The following ARB2A variants were observed in gnomAD, a reference collection of about 807,000 sequenced individuals.
The protein encoded by ARB2A is cotranscriptional regulator ARB2A.
the ARB2A span, among the ~76,000 whole-genome samples, chr5:93,744,877 C>T: frequency 1.3e-5 from 2 of 152,132 alleles, no homozygotes; most frequent in Admixed American, 1.3e-4. Flanking sequence ...TGGGGAATTA[C>T]AGAGTAAGGA....
At chr5:93,831,197 T>C in the ARB2A span, among the ~76,000 whole-genome samples, 1 of 151,800 alleles carries the variant, frequency 6.6e-6, no homozygotes, top group African/African-American at 2.4e-5. Context: ...CTGGTACCCA[T>C]CTGTGACCCG....
the ARB2A span, among the ~76,000 whole-genome samples, chr5:93,839,549 G>A: frequency 6.6e-6 from 1 of 152,092 alleles, no homozygotes; most frequent in Non-Finnish European, 1.5e-5. Context: ...ATGGGTTAGG[G>A]TAAAGTCCTT....
chr5:94,059,745 T>TA, the ARB2A span, among the ~76,000 whole-genome samples: 2,593 of 138,914 alleles, frequency 0.019, 63 homozygotes, highest in African/African-American at 0.063. Context: ...ATTTTTCAAC[T>TA]AAAAAAAAAA....
the ARB2A span, among the ~76,000 whole-genome samples, chr5:93,872,879 T>C: frequency 6.6e-6 from 1 of 151,616 alleles, no homozygotes; most frequent in Non-Finnish European, 1.5e-5. Flanking sequence ...ATCGCGCCAC[T>C]GCACTCCAGC....
At chr5:93,788,275 A>C in the ARB2A span, among the ~76,000 whole-genome samples, 1 of 152,106 alleles carries the variant, frequency 6.6e-6, no homozygotes, top group Non-Finnish European at 1.5e-5. Context: ...AACAGTGACA[A>C]GACGGATGAG....
At chr5:94,107,742 A>G in the ARB2A span, among the ~76,000 whole-genome samples, 1 of 152,286 alleles carries the variant, frequency 6.6e-6, no homozygotes, top group South Asian at 2.1e-4. Context: ...GCTTACTCCT[A>G]TAGAACTGTA....
chr5:93,859,420 A>C, the ARB2A span, among the ~76,000 whole-genome samples: 1 of 151,278 alleles, frequency 6.6e-6, no homozygotes, highest in Non-Finnish European at 1.5e-5. Context: ...AAGGCACATG[A>C]AAAAAAAAGG....
the ARB2A span, among the ~76,000 whole-genome samples, chr5:93,986,219 T>C: frequency 6.6e-6 from 1 of 151,456 alleles, no homozygotes; most frequent in African/African-American, 2.4e-5. Flanking sequence ...GGAGCCCCTC[T>C]GCCCGGCTGC....
chr5:93,937,527 G>A, the ARB2A span, among the ~76,000 whole-genome samples: 4 of 151,762 alleles, frequency 2.6e-5, no homozygotes, highest in Non-Finnish European at 4.4e-5. Context: ...CAGGAGAATC[G>A]CCTGAACCCA....
the ARB2A span, among the ~76,000 whole-genome samples, chr5:94,061,440 T>C: frequency 6.6e-6 from 1 of 152,178 alleles, no homozygotes; most frequent in Non-Finnish European, 1.5e-5. Flanking sequence ...TTCAACATAG[T>C]ACTGAAAGTC....
At chr5:94,039,327 T>G in the ARB2A span, among the ~76,000 whole-genome samples, 2 of 152,156 alleles carry the variant, frequency 1.3e-5, no homozygotes, top group Admixed American at 1.3e-4. Context: ...TAGCACAAGA[T>G]GCAGGTCATA....
At chr5:93,737,186 A>T in the ARB2A span, 1 of 152,074 alleles carries the variant, frequency 6.6e-6, no homozygotes, top group South Asian at 2.1e-4. Context: ...AAACTATTCC[A>T]TTTACAGTAG....
At chr5:93,840,910 T>TTATTTACA in the ARB2A span, among the ~76,000 whole-genome samples, 1 of 152,164 alleles carries the variant, frequency 6.6e-6, no homozygotes, top group Non-Finnish European at 1.5e-5. Context: ...TTATGGCCCA[T>TTATTTACA]TATTTACAGA....
the ARB2A span, among the ~76,000 whole-genome samples, chr5:93,852,119 T>C: frequency 6.6e-6 from 1 of 152,150 alleles, no homozygotes; most frequent in African/African-American, 2.4e-5. Context: ...GCACCTGTTG[T>C]TTCCTGACTT....
chr5:94,110,012 G>C, the ARB2A span, among the ~76,000 whole-genome samples: 1 of 151,432 alleles, frequency 6.6e-6, no homozygotes, highest in African/African-American at 2.4e-5. Flanking sequence ...AGCCTCCAGA[G>C]TAGCTGGGAA....
the ARB2A span, among the ~76,000 whole-genome samples, chr5:94,070,642 G>A: frequency 6.6e-6 from 1 of 151,822 alleles, no homozygotes; most frequent in Non-Finnish European, 1.5e-5. Flanking sequence ...CAAAGAGAAT[G>A]AAAAGACAAT....
At chr5:93,858,786 A>G in the ARB2A span, among the ~76,000 whole-genome samples, 1 of 152,222 alleles carries the variant, frequency 6.6e-6, no homozygotes, top group South Asian at 2.1e-4. Context: ...GAATTCTTCT[A>G]GAAAAAGAAA....
At chr5:93,957,999 G>A in the ARB2A span, among the ~76,000 whole-genome samples, 1 of 151,728 alleles carries the variant, frequency 6.6e-6, no homozygotes, top group African/African-American at 2.4e-5. Flanking sequence ...TCATGTGAAA[G>A]AAATTCACAC....
the ARB2A span, among the ~76,000 whole-genome samples, chr5:94,110,314 G>C: frequency 2.0e-5 from 3 of 152,206 alleles, no homozygotes; most frequent in Admixed American, 1.3e-4. Flanking sequence ...CCCATCACCT[G>C]AACACTATCC....
Sources: gnomAD v4.1 joint callset for allele counts (sites outside exome capture counted in the v4.1 genomes callset) on GRCh38, gnomAD v4.1.1 for gene constraint, MANE v1.5 for transcripts, NCBI Gene and HGNC (gene_info 2026-07-23, HGNC 2026-07-21) for gene names.